TRIO: variants seen among roughly 807,000 people sequenced by gnomAD.
The protein encoded by TRIO is trio Rho guanine nucleotide exchange factor, also known as triple functional domain protein.
TRIO carries 58 observed loss-of-function variants against 351.9 expected under a neutral mutation model. The observed-to-expected ratio is 0.16, with a 90% CI of 0.13 to 0.21. The LOEUF (loss-of-function observed/expected upper bound fraction) is 0.21, where lower values mean the gene tolerates loss of function less well. TRIO is among the 10% of genes least tolerant of loss of function. TRIO has a pLI of 1.00. For missense variants in TRIO, 3,201 were observed against 4,027.8 expected (o/e 0.79, Z 5.56); for synonymous variants, 1,758 against 1,595.7 (o/e 1.10, Z -2.42).
At chr5:14,222,142 C>CT (rs34968826) in intron 1 of TRIO, among the ~76,000 whole-genome samples, 70,061 of 141,324 alleles carry the variant, frequency 0.5, 17,331 homozygotes, top group Non-Finnish European at 0.56. Context: ...TTTTTCTTTT[C>CT]TTTTTTTTTT....
intron 8 of TRIO, among the ~76,000 whole-genome samples, chr5:14,306,109 T>C (rs1738346718): frequency 6.7e-6 from 1 of 149,430 alleles, no homozygotes; most frequent in African/African-American, 2.4e-5. Flanking sequence ...TGATACCACG[T>C]GATGTCTAAC....
At chr5:14,279,973 A>G (rs1735855493) in intron 2 of TRIO, among the ~76,000 whole-genome samples, 1 of 152,242 alleles carries the variant, frequency 6.6e-6, no homozygotes, top group Non-Finnish European at 1.5e-5. Context: ...CCTAGAGAGC[A>G]GCTGTGAGGG....
chr5:14,401,806 T>C (rs1748090662), intron 31 of TRIO, among the ~76,000 whole-genome samples: 1 of 152,132 alleles, frequency 6.6e-6, no homozygotes, highest in Non-Finnish European at 1.5e-5. Context: ...ATCAGCGGCT[T>C]TGGGATGTTT....
chr5:14,421,220 T>A (rs979966704), intron 34 of TRIO, among the ~76,000 whole-genome samples: 38 of 125,776 alleles, frequency 3.0e-4, no homozygotes, highest in African/African-American at 1.4e-3. Context: ...TATTTAATTA[T>A]TTATTTATTT....
At chr5:14,202,136 AAAG>A (rs938420476) in intron 1 of TRIO, among the ~76,000 whole-genome samples, 3 of 151,968 alleles carry the variant, frequency 2.0e-5, no homozygotes, top group African/African-American at 7.2e-5. Flanking sequence ...AAAAAAGAAA[AAAG>A]GTGAAAAGTT....
chr5:14,431,069 G>A (rs927073672), intron 34 of TRIO, among the ~76,000 whole-genome samples: 1 of 152,204 alleles, frequency 6.6e-6, no homozygotes, highest in African/African-American at 2.4e-5. Context: ...CTTCCTTCCT[G>A]ACACTGTGGA....
At chr5:14,494,180 T>C (rs112089001) in intron 49 of TRIO, among the ~76,000 whole-genome samples, 3,800 of 152,250 alleles carry the variant, frequency 0.025, 144 homozygotes, top group African/African-American at 0.087. Context: ...CATCACACCT[T>C]ATATACCAAA....
intron 18 of TRIO, among the ~76,000 whole-genome samples, chr5:14,373,027 C>G (rs771533740): frequency 6.6e-6 from 1 of 152,102 alleles, no homozygotes; most frequent in African/African-American, 2.4e-5. Flanking sequence ...TCACATGGCG[C>G]GGGAAGTAGA....
chr5:14,488,342 C>A, intron 48 of TRIO, 82 bp downstream of exon 48: 1 of 1,483,568 alleles, frequency 6.7e-7, no homozygotes, highest in Non-Finnish European at 9.0e-7. Context: ...GCTGTTCTCA[C>A]TAACTCGGCT....
chr5:14,219,213 G>A (rs1421313252), intron 1 of TRIO, among the ~76,000 whole-genome samples: 1 of 143,186 alleles, frequency 7.0e-6, no homozygotes, highest in African/African-American at 2.6e-5. Context: ...GAGGGAGGAG[G>A]ATGATTTGCT....
intron 11 of TRIO, among the ~76,000 whole-genome samples, chr5:14,351,891 G>T (rs149547445): frequency 6.6e-6 from 1 of 152,300 alleles, no homozygotes; most frequent in Non-Finnish European, 1.5e-5. Context: ...TGGAGGCTTG[G>T]TCCTTTCCGA....
At chr5:14,440,743 G>T (rs1234073526) in intron 34 of TRIO, 1 of 152,172 alleles carries the variant, frequency 6.6e-6, no homozygotes, top group Admixed American at 6.5e-5. Context: ...TGTTTGGTGT[G>T]TGAGTCTCAG....
intron 34 of TRIO, among the ~76,000 whole-genome samples, chr5:14,444,099 C>G (rs1370946768): frequency 7.4e-6 from 1 of 134,682 alleles, no homozygotes; most frequent in South Asian, 2.4e-4. Flanking sequence ...TTTTTTCTTT[C>G]TGTTTGGGTT....
At chr5:14,380,965 G>C (rs555877039) in intron 20 of TRIO, among the ~76,000 whole-genome samples, 165 bp from the exon 21 acceptor site, 1 of 152,248 alleles carries the variant, frequency 6.6e-6, no homozygotes, top group Admixed American at 6.5e-5. Context: ...TGTAATTGTG[G>C]TCACACTTCA....
At chr5:14,174,444 G>A (rs966179310) in intron 1 of TRIO, among the ~76,000 whole-genome samples, 8 of 152,084 alleles carry the variant, frequency 5.3e-5, no homozygotes, top group East Asian at 3.8e-4. Flanking sequence ...CTTTATGCCC[G>A]CCTGCCTCTC....
At position 14,497,361 on chromosome 5, in the gene TRIO, C is replaced by T. The variant is rs1579834262; in HGVS notation, c.8019+344C>T. Among the ~76,000 whole-genome samples the T allele has an allele frequency of 6.6e-6, 1 of 152,170 alleles. No individual in the cohort carries two copies. Among genetic ancestry groups the T allele is most frequent in the African/African-American group, 2.4e-5 (1 of 41,436 alleles). ...ATGGCTCAGGCTTCCTTCAGTGTTC[C>T]TGCCTTAAAGCCAAGGGGAAGTGGC... is the stretch of plus-strand genomic sequence containing the variant. On this transcript the variant is annotated intron_variant, in intron 50 of 56. Coordinates refer to ENST00000344204, the MANE Select transcript of TRIO (RefSeq NM_007118.4). This position sits in a 1 kb window ranked among gnomAD's most constrained non-coding sequence, Gnocchi z 4.4.
At chr5:14,200,148 T>G (rs943290183) in intron 1 of TRIO, among the ~76,000 whole-genome samples, 1 of 152,084 alleles carries the variant, frequency 6.6e-6, no homozygotes, top group Non-Finnish European at 1.5e-5. Flanking sequence ...CCAGGCATTA[T>G]GTACTAGGGG....
chr5:14,352,414 G>A (rs1743223015), intron 11 of TRIO, among the ~76,000 whole-genome samples: 1 of 152,206 alleles, frequency 6.6e-6, no homozygotes, highest in Non-Finnish European at 1.5e-5. Context: ...TTTGCAGCAT[G>A]CCCAGAAGTA....
At chr5:14,192,296 G>C (rs1447590080) in intron 1 of TRIO, among the ~76,000 whole-genome samples, 1 of 143,770 alleles carries the variant, frequency 7.0e-6, no homozygotes, top group Non-Finnish European at 1.5e-5. Flanking sequence ...GTCTTGCTCT[G>C]TCGCCCAGGG....
Sources: gnomAD v4.1 joint callset for allele counts (sites outside exome capture counted in the v4.1 genomes callset) on GRCh38, gnomAD v4.1.1 for gene constraint, Gnocchi (gnomAD v3.1) non-coding constraint, MANE v1.5 for transcripts, NCBI Gene and HGNC (gene_info 2026-07-23, HGNC 2026-07-21) for gene names.